Variants in SCTR observed in about 807,000 individuals in gnomAD.
SCTR encodes the protein secretin receptor.
Under a neutral mutation model 60.8 loss-of-function variants are expected in SCTR, and 56 were observed. That is an observed-to-expected ratio of 0.92 (90% CI 0.74 to 1.15). The LOEUF (loss-of-function observed/expected upper bound fraction) is 1.15, where lower values mean the gene tolerates loss of function less well. SCTR is among the 50% of genes most tolerant of loss of function. The pLI is 0.00. For missense variants in SCTR, 562 were observed against 550.4 expected (o/e 1.02, Z -0.21); for synonymous variants, 202 against 217.0 (o/e 0.93, Z 0.61).
At chr2:119,444,201 GTATATATACATATGAATATA>G (rs1682773994) in intron 11 of SCTR, among the ~76,000 whole-genome samples, 1 of 124,774 alleles carries the variant, frequency 8.0e-6, no homozygotes, top group Non-Finnish European at 1.6e-5. Flanking sequence ...ATACACATAT[GTATATATACATATGAATATA>G]TACACATATA....
chr2:119,453,449 A>C (rs1683252387), intron 7 of SCTR, 102 bp from the exon 8 acceptor site: 6 of 887,702 alleles, frequency 6.8e-6, no homozygotes, highest in Non-Finnish European at 9.2e-6. Flanking sequence ...GCTACTGAGC[A>C]GGTGCCAAGA....
At chr2:119,464,413 G>A (rs1362707628) in intron 5 of SCTR, among the ~76,000 whole-genome samples, 158 bp from the exon 6 acceptor site, 1 of 151,208 alleles carries the variant, frequency 6.6e-6, no homozygotes, top group Admixed American at 6.6e-5. Context: ...GAGGAACTGG[G>A]TCTCCAGGTG....
intron 7 of SCTR, among the ~76,000 whole-genome samples, chr2:119,459,747 A>T (rs1199375865): frequency 1.3e-5 from 2 of 152,204 alleles, no homozygotes; most frequent in East Asian, 3.9e-4. Flanking sequence ...AACATCTTAA[A>T]ATCCTGTGAC....
intron 9 of SCTR, 135 bp from the exon 10 acceptor site, chr2:119,448,915 G>C: frequency 1.6e-6 from 1 of 620,180 alleles, no homozygotes; most frequent in Admixed American, 2.5e-5. Flanking sequence ...CAGTGCTGCC[G>C]CTCCTCTCCA....
chr2:119,451,264 C>T (rs1220255744), intron 9 of SCTR, among the ~76,000 whole-genome samples: 1 of 152,168 alleles, frequency 6.6e-6, no homozygotes, highest in Non-Finnish European at 1.5e-5. Context: ...GAGATGATTC[C>T]TGTGTGTCCC....
intron 7 of SCTR, among the ~76,000 whole-genome samples, chr2:119,458,023 G>A (rs1683441003): frequency 6.6e-6 from 1 of 152,128 alleles, no homozygotes; most frequent in African/African-American, 2.4e-5. Flanking sequence ...GCTGGGTGTG[G>A]TGGCTCATGC....
chr2:119,444,151 T>TTATATA (rs147516656), intron 11 of SCTR, among the ~76,000 whole-genome samples: 1 of 139,602 alleles, frequency 7.2e-6, no homozygotes, highest in African/African-American at 2.9e-5. Flanking sequence ...ATACATATTC[T>TTATATA]TATATATATA....
intron 1 of SCTR, among the ~76,000 whole-genome samples, chr2:119,512,687 G>A (rs757731896): frequency 3.6e-4 from 55 of 152,118 alleles, no homozygotes; most frequent in Admixed American, 2.6e-4. Flanking sequence ...GTGAGCCACC[G>A]TGCCCAGCCT....
chr2:119,475,603 CAT>C (rs10643411), intron 3 of SCTR, among the ~76,000 whole-genome samples: 10,723 of 143,514 alleles, frequency 0.075, 474 homozygotes, highest in Middle Eastern at 0.13. Flanking sequence ...GATGTTTGTG[CAT>C]ATATATATAT....
chr2:119,476,513 C>T (rs975537841), intron 3 of SCTR: 2 of 152,248 alleles, frequency 1.3e-5, no homozygotes, highest in Admixed American at 1.3e-4. Flanking sequence ...TGCCGCGGAC[C>T]ATGAGCAATC....
intron 6 of SCTR, among the ~76,000 whole-genome samples, chr2:119,462,802 G>T (rs970120577): frequency 6.6e-6 from 1 of 152,232 alleles, no homozygotes; most frequent in African/African-American, 2.4e-5. Flanking sequence ...CCTGGGGACA[G>T]TGGTGGTTCC....
Position 119,483,189 on chromosome 2 carries a change from A to T in SCTR, c.194-4271T>A, listed in dbSNP as rs187912356. 2.0e-4 allele frequency among the ~76,000 whole-genome samples: 30 copies of T among 152,312 alleles called. 1 individual carries two copies. The highest frequency in any genetic ancestry group is 6.7e-4 in the African/African-American group (28 of 41,580). ...TTGGGTCACGTCAGGCAGGGCCCCC[A>T]GGGATGCCTGGGGACAGGCCATGCC... On this transcript the variant is annotated intron_variant, in intron 2 of 12. Transcript: ENST00000019103.
At chr2:119,516,717 G>T (rs1384690172) in intron 1 of SCTR, among the ~76,000 whole-genome samples, 1 of 152,224 alleles carries the variant, frequency 6.6e-6, no homozygotes, top group East Asian at 1.9e-4. Context: ...CCCAGCACTT[G>T]GGGAGGCTGA....
At chr2:119,476,103 T>C (rs1677286789) in intron 3 of SCTR, among the ~76,000 whole-genome samples, 1 of 152,136 alleles carries the variant, frequency 6.6e-6, no homozygotes, top group South Asian at 2.1e-4. Context: ...ATTAATTTAT[T>C]TTCCAGAGCA....
intron 1 of SCTR, among the ~76,000 whole-genome samples, chr2:119,511,229 A>G (rs533890453): frequency 2.0e-5 from 3 of 152,100 alleles, no homozygotes; most frequent in African/African-American, 7.2e-5. Context: ...AAAAAATTAT[A>G]TTCTTTTACT....
At chr2:119,468,581 T>A (rs1453300513) in intron 4 of SCTR, among the ~76,000 whole-genome samples, 16 of 152,248 alleles carry the variant, frequency 1.1e-4, no homozygotes, top group Admixed American at 1.0e-3. Context: ...ACTCAGTGTA[T>A]GGTAATTTTA....
intron 1 of SCTR, among the ~76,000 whole-genome samples, chr2:119,522,469 C>T (rs952310216): frequency 2.0e-5 from 3 of 152,108 alleles, no homozygotes; most frequent in African/African-American, 4.8e-5. Flanking sequence ...TGATCTCGGG[C>T]AGCTCCCTTC....
At chr2:119,508,383 C>CTTTTTTTTTTTTTTTTTTTT (rs34070844) in intron 1 of SCTR, among the ~76,000 whole-genome samples, 9 of 77,408 alleles carry the variant, frequency 1.2e-4, no homozygotes, top group Admixed American at 3.6e-4. Context: ...TCTTCTTCTT[C>CTTTTTTTTTTTTTTTTTTTT]TTTTTTTTTT....
At chr2:119,505,469 T>C (rs1308840713) in intron 1 of SCTR, among the ~76,000 whole-genome samples, 1 of 146,948 alleles carries the variant, frequency 6.8e-6, no homozygotes, top group Non-Finnish European at 1.5e-5. Context: ...ATTTAAAGTA[T>C]AATAAAAAAA....
Sources: allele counts gnomAD v4.1 joint callset (sites outside exome capture counted in the v4.1 genomes callset), GRCh38; gene constraint gnomAD v4.1.1; transcripts MANE v1.5; gene names NCBI Gene and HGNC (gene_info 2026-07-23, HGNC 2026-07-21).